NLRP12: variants seen among roughly 807,000 people sequenced by gnomAD.
NLRP12 encodes NLR family pyrin domain containing 12, also known as NACHT, LRR and PYD domains-containing protein 12.
NLRP12 carries 108 observed loss-of-function variants against 91.2 expected under a neutral mutation model. That is an observed-to-expected ratio of 1.18 (90% confidence interval 1.01 to 1.39). The LOEUF is 1.39. Ranked by LOEUF, NLRP12 falls within the 40% of genes most tolerant of loss-of-function variation. The pLI, the probability that NLRP12 is intolerant of heterozygous loss-of-function variation, is 0.00. For synonymous variants in NLRP12, 613 were observed against 566.7 expected, an observed-to-expected ratio of 1.08 and a Z score of -1.16; for missense variants, 1,530 against 1,352.7, an observed-to-expected ratio of 1.13 and a Z score of -2.06.
intron 2 of NLRP12, among the ~76,000 whole-genome samples, chr19:53,813,504 G>C (rs577076779): frequency 2.0e-5 from 3 of 151,212 alleles, no homozygotes; most frequent in South Asian, 2.1e-4. Flanking sequence ...AGGTTTCACC[G>C]TGTTAGCCAG....
Position 53,793,780 on chromosome 19 carries a change from T to G in NLRP12, c.*269A>C. 1 of 539,206 alleles carries G rather than the reference T, an allele frequency of 1.9e-6. No individual in the cohort carries two copies. The highest frequency in any genetic ancestry group is 3.3e-6 in the Non-Finnish European group (1 of 298,632). The allele number at this position is 539,206 out of a possible 1,614,324, so 33.4% of individuals were successfully genotyped here. Reference sequence around the variant, plus strand: ...TTTTTTATTTTTAGTAGAGACAGGGTTTCACCATCTTGGCCAGGCTAATCT... The same window carrying G: ...TTTTTTATTTTTAGTAGAGACAGGGGTTCACCATCTTGGCCAGGCTAATCT... On this transcript the variant is annotated 3_prime_UTR_variant, in exon 10 of 10. Transcript: ENST00000324134.
intron 8 of NLRP12, 75 bp from the exon 9 acceptor site, chr19:53,796,104 T>C (rs2091754183): frequency 7.2e-7 from 1 of 1,397,216 alleles, no homozygotes; most frequent in Non-Finnish European, 1.0e-6. Context: ...TCTCACCCTG[T>C]CTCCCAGGCT....
chr19:53,801,328 G>A lies in NLRP12; in HGVS notation c.2655C>T (p.Ser885=). The A allele has an allele frequency of 5.6e-6, 9 of 1,613,950 alleles. 1 individual carries two copies. The South Asian group carries it at 8.8e-5, about 16-fold the overall frequency. The part of the protein sequence containing the change: ...ELASTLSVNQ[S]LRELDLSLNE... ...TCAGGCTCAGGTCCAGCTCTCTCAG[G>A]CTCTGGTTCACACTGAGAGTTGAGG... Residue 885 remains serine, a synonymous_variant, in exon 7 of 10, where the codon AGC becomes AGT. Coordinates refer to ENST00000324134, the MANE Select transcript of NLRP12 (RefSeq NM_144687.4).
chr19:53,794,023 A>G lies in NLRP12; in HGVS notation c.*26T>C, dbSNP rs1191532076. On this transcript the variant is annotated 3_prime_UTR_variant, in exon 10 of 10. Coordinates refer to ENST00000324134, the MANE Select transcript of NLRP12 (RefSeq NM_144687.4). The stretch of plus-strand genomic sequence containing the variant: ...TCCCATCTTCCTCTGTCCAGATCTC[A>G]GGGGAGAGCCAGCAGATAGGACCAT... 1.3e-6 allele frequency: 2 copies of G among 1,547,644 alleles called. No homozygotes were observed. The highest frequency in any genetic ancestry group is 1.8e-6 in the Non-Finnish European group (2 of 1,119,382).
At chr19:53,805,882 G>A (rs545067981) in intron 4 of NLRP12, 67 of 246,678 alleles carry the variant, frequency 2.7e-4, no homozygotes, top group African/African-American at 1.5e-3. Context: ...AAAGCAACAA[G>A]AACAATATAA....
intron 2 of NLRP12, 88 bp downstream of exon 2, chr19:53,814,820 C>G: frequency 9.6e-7 from 1 of 1,038,760 alleles, no homozygotes; most frequent in South Asian, 1.3e-5. Context: ...ACGAATTCCT[C>G]AATCACGCGT....
At chr19:53,803,905 T>A (rs1172619232) in intron 6 of NLRP12, 47 bp downstream of exon 6, 1 of 1,573,868 alleles carries the variant, frequency 6.4e-7, no homozygotes, top group South Asian at 1.1e-5. Context: ...TCATTCAATA[T>A]GAAGAGATTT....
chr19:53,804,671 A>G (rs2091928931), intron 5 of NLRP12, among the ~76,000 whole-genome samples: 1 of 149,178 alleles, frequency 6.7e-6, no homozygotes, highest in African/African-American at 2.5e-5. Flanking sequence ...TTGGCCTCCC[A>G]AAGTGCTGGG....
At position 53,817,485 on chromosome 19, in the gene NLRP12, C is replaced by T. The variant is rs558789592; in HGVS notation, c.290-2497G>A. 4.1e-3 allele frequency among the ~76,000 whole-genome samples: 619 copies of T among 151,794 alleles called. 2 individuals are homozygous for T. The highest frequency in any genetic ancestry group is 0.01 in the Middle Eastern group (3 of 292). On this transcript the variant is annotated intron_variant, in intron 1 of 9. Transcript: ENST00000324134. Reference sequence around the variant, plus strand: ...GCGCGGTGGCTCATGCCTGTAATCCCTGCACTTTGGGAGGCCAAGGTGGGT... The same window carrying T: ...GCGCGGTGGCTCATGCCTGTAATCCTTGCACTTTGGGAGGCCAAGGTGGGT...
rs1568696565 is a variant in NLRP12 at position 53,819,626 on chromosome 19, C to CGTACATATGTATACGTATATATAT, written c.289+4259_289+4260insATATATATACGTATACATATGTAC. ...ATATATATGTATGTATACGTATATACGCGTATATATGTATGTATACGTATA... is the reference window on the plus strand; with the variant it reads ...ATATATATGTATGTATACGTATATACGTACATATGTATACGTATATATATGCGTATATATGTATGTATACGTATA... On this transcript the variant is annotated intron_variant, in intron 1 of 9. Transcript: ENST00000324134. 1.4e-4 allele frequency among the ~76,000 whole-genome samples: 6 copies of CGTACATATGTATACGTATATATAT among 41,564 alleles called. 1 individual carries two copies. The highest frequency in any genetic ancestry group is 4.6e-4 in the African/African-American group (6 of 12,980). The allele number at this position is 41,564 out of a possible 152,430, so 27.3% of individuals were successfully genotyped here.
intron 1 of NLRP12, among the ~76,000 whole-genome samples, chr19:53,820,619 G>A (rs762400361): frequency 1.3e-5 from 2 of 152,090 alleles, no homozygotes; most frequent in African/African-American, 4.8e-5. Context: ...TGAGGCAGGC[G>A]GATCACTTCA....
At position 53,809,610 on chromosome 19, in the gene NLRP12, T is replaced by G; in HGVS notation, c.2049A>C (p.Gly683=). The G allele has an allele frequency of 6.2e-7, 1 of 1,604,598 alleles. No individual in the cohort carries two copies. Among genetic ancestry groups the G allele is most frequent in the South Asian group, 1.1e-5 (1 of 90,878 alleles). The part of the protein sequence containing the change: ...DGEDRARCSA[G]AHTLLVQLPE... ...ACAGCTGCACCAACAGCGTGTGCGCTCCTGCGGAGCACCTCGCGCGGTCTT... is the reference window on the plus strand; with the variant it reads ...ACAGCTGCACCAACAGCGTGTGCGCGCCTGCGGAGCACCTCGCGCGGTCTT... The change falls in exon 3 of 10, where the codon GGA becomes GGC. Residue 683 remains glycine (G), a synonymous_variant. Transcript: ENST00000324134.
At chr19:53,805,727 A>T in intron 4 of NLRP12, 1 of 432,910 alleles carries the variant, frequency 2.3e-6, no homozygotes, top group East Asian at 5.5e-5. Context: ...CATGTTGGCC[A>T]GGCTGGTCTT....
Position 53,796,049 on chromosome 19 carries a change from G to T in NLRP12, c.2928-20C>A, listed in dbSNP as rs1349127583. On this transcript the variant is annotated intron_variant, in intron 8 of 9. Transcript: ENST00000324134. Reference sequence around the variant, plus strand: ...TCCAGCCTGGTGAAGATAAGGAGTTGGTTAAGGTAACACCAGGGGCTACTT... The same window carrying T: ...TCCAGCCTGGTGAAGATAAGGAGTTTGTTAAGGTAACACCAGGGGCTACTT... The T allele has an allele frequency of 6.2e-7, 1 of 1,612,874 alleles. No individual in the cohort carries two copies. The highest frequency in any genetic ancestry group is 2.2e-5 in the East Asian group (1 of 44,878).
intron 5 of NLRP12, among the ~76,000 whole-genome samples, chr19:53,804,597 C>T (rs1444346533): frequency 4.0e-5 from 6 of 149,770 alleles, no homozygotes; most frequent in Admixed American, 2.0e-4. Context: ...TTAGTAGAGA[C>T]GGGGTGTTTC....
chr19:53,805,386 T>A lies in NLRP12; in HGVS notation c.2308A>T (p.Lys770Ter), dbSNP rs1285416657. ...EDLSAALIAN[K>*]NLTRMDLSGN... ...CTGAGATCCATCCTTGTCAAATTCT[T>A]ATTGGCTATGAGAGCTGCAGAGAGG... Residue 770 changes from lysine (K) to a stop codon, truncating the protein, a stop_gained, in exon 5 of 10, where the codon AAG (lysine) becomes TAG (stop). Coordinates refer to ENST00000324134, the MANE Select transcript of NLRP12 (RefSeq NM_144687.4). LOFTEE classifies it high-confidence loss of function. 4 of 1,613,940 alleles carry A rather than the reference T, an allele frequency of 2.5e-6. No homozygotes were observed. The highest frequency in any genetic ancestry group is 3.4e-6 in the Non-Finnish European group (4 of 1,180,016).
intron 2 of NLRP12, among the ~76,000 whole-genome samples, chr19:53,813,366 G>A (rs113257542): frequency 1.4e-4 from 17 of 125,366 alleles, no homozygotes; most frequent in African/African-American, 5.0e-4. Flanking sequence ...GCGGCGGCAC[G>A]ATTCGGCTTA....
chr19:53,796,556 A>G (rs2091765250), intron 8 of NLRP12, among the ~76,000 whole-genome samples: 1 of 151,726 alleles, frequency 6.6e-6, no homozygotes, highest in African/African-American at 2.4e-5. Context: ...CGTAATTTTT[A>G]TATCTTTAGT....
intron 7 of NLRP12, among the ~76,000 whole-genome samples, chr19:53,800,579 AC>A (rs1265997901): frequency 4.4e-5 from 5 of 114,678 alleles, no homozygotes; most frequent in South Asian, 3.1e-4. Flanking sequence ...GCGTCAGAAA[AC>A]CCCCCCCTTT....
Sources: gnomAD v4.1 joint callset for allele counts (sites outside exome capture counted in the v4.1 genomes callset) on GRCh38, gnomAD v4.1.1 for gene constraint, MANE v1.5 for transcripts, NCBI Gene and HGNC (gene_info 2026-07-23, HGNC 2026-07-21) for gene names.